ARHGAP10: variants seen among roughly 807,000 people sequenced by gnomAD.
ARHGAP10 encodes the protein rho GTPase-activating protein 10.
In ARHGAP10, 87 loss-of-function variants were observed where a neutral mutation model predicts 108.6. The ratio of observed to expected loss-of-function variants is 0.80; its 90% CI spans 0.67 to 0.96. The LOEUF is 0.96. Among genes scored for constraint, ARHGAP10 ranks in the 40% least tolerant of loss-of-function variants. ARHGAP10 has a pLI of 0.00. For missense variants in ARHGAP10, 939 were observed against 954.5 expected, an observed-to-expected ratio of 0.98 and a Z score of 0.21; for synonymous variants, 347 against 341.1, an observed-to-expected ratio of 1.02 and a Z score of -0.19.
At chr4:147,788,431 A>G (rs1730982525) in intron 1 of ARHGAP10, among the ~76,000 whole-genome samples, 1 of 152,060 alleles carries the variant, frequency 6.6e-6, no homozygotes, top group Non-Finnish European at 1.5e-5. Context: ...TGGGTGACAG[A>G]GCAAGACTCC....
intron 19 of ARHGAP10, among the ~76,000 whole-genome samples, chr4:148,032,661 A>G (rs534007697): frequency 6.6e-6 from 1 of 152,294 alleles, no homozygotes; most frequent in South Asian, 2.1e-4. Context: ...ATTGACTCAC[A>G]TGATCACAAG....
intron 1 of ARHGAP10, 83 bp from the exon 2 acceptor site, chr4:147,822,644 T>TGG (rs1180640287): frequency 2.4e-5 from 34 of 1,391,626 alleles, no homozygotes; most frequent in Non-Finnish European, 3.4e-5. Context: ...CTCTACAGCT[T>TGG]TACCAATTTT....
At chr4:147,833,507 G>T (rs561543414) in intron 3 of ARHGAP10, among the ~76,000 whole-genome samples, 24 of 152,280 alleles carry the variant, frequency 1.6e-4, no homozygotes, top group African/African-American at 2.6e-4. Flanking sequence ...TAACTTCATA[G>T]CAGTGTGAAA....
chr4:148,011,296 G>A (rs1043647052), intron 18 of ARHGAP10, among the ~76,000 whole-genome samples: 5 of 152,200 alleles, frequency 3.3e-5, no homozygotes, highest in African/African-American at 1.2e-4. Context: ...AGGGCAGGGC[G>A]AGTTTAGCTT....
chr4:147,854,699 A>G, intron 4 of ARHGAP10: 1 of 984,014 alleles, frequency 1.0e-6, no homozygotes, highest in Non-Finnish European at 1.2e-6. Flanking sequence ...ATGAGCACAA[A>G]GAAACAATAA....
intron 1 of ARHGAP10, among the ~76,000 whole-genome samples, chr4:147,791,874 C>T (rs1278382774): frequency 4.6e-5 from 7 of 152,202 alleles, no homozygotes; most frequent in Non-Finnish European, 8.8e-5. Context: ...CATGAGCCAT[C>T]GTGCCCAGCC....
chr4:147,930,110 C>T (rs569744707), intron 13 of ARHGAP10, among the ~76,000 whole-genome samples: 2 of 152,314 alleles, frequency 1.3e-5, no homozygotes, highest in African/African-American at 4.8e-5. Flanking sequence ...ATTGATGAAG[C>T]ATCTCATTCC....
rs748106493 is a variant in ARHGAP10, at chr4:147,955,328, G to T, written c.1404G>T (p.Glu468Asp). The change falls in exon 16 of 23, where the codon GAG becomes GAT. Residue 468 changes from glutamate (E) to aspartate (D), a missense_variant. Transcript: ENST00000336498. ...ALKQYLRSLPEPLMTYELHGD... is the reference protein window; with the variant it reads ...ALKQYLRSLPDPLMTYELHGD... ...TCTTTTCACACAGGAGTCTTCCAGAGCCTCTCATGACCTATGAGTTACATG... is the reference window on the plus strand; with the variant it reads ...TCTTTTCACACAGGAGTCTTCCAGATCCTCTCATGACCTATGAGTTACATG... 6.2e-7 allele frequency: 1 copy of T among 1,611,566 alleles called. No homozygotes were observed. Among genetic ancestry groups the T allele is most frequent in the East Asian group, 2.2e-5 (1 of 44,812 alleles).
intron 1 of ARHGAP10, among the ~76,000 whole-genome samples, chr4:147,767,143 G>T (rs927446916): frequency 3.9e-5 from 6 of 151,936 alleles, no homozygotes; most frequent in Non-Finnish European, 5.9e-5. Context: ...GAGCCACCGC[G>T]CCCAGTCTAC....
At chr4:147,957,088 T>G (rs1358492976) in intron 16 of ARHGAP10, among the ~76,000 whole-genome samples, 1 of 152,192 alleles carries the variant, frequency 6.6e-6, no homozygotes, top group African/African-American at 2.4e-5. Context: ...TTTTGCTTCC[T>G]GACTTTGTGG....
chr4:147,836,337 A>AT (rs1425427284), intron 3 of ARHGAP10, among the ~76,000 whole-genome samples: 3 of 152,198 alleles, frequency 2.0e-5, no homozygotes, highest in Non-Finnish European at 4.4e-5. Flanking sequence ...ATCCTCTTTA[A>AT]TAGGACTAGG....
intron 18 of ARHGAP10, among the ~76,000 whole-genome samples, chr4:148,005,467 A>G (rs116376857): frequency 0.015 from 2,237 of 152,292 alleles, 31 homozygotes; most frequent in South Asian, 0.019. Flanking sequence ...GAATTTTACA[A>G]TATTCTGTAT....
chr4:148,024,120 T>A (rs1741677990), intron 19 of ARHGAP10, among the ~76,000 whole-genome samples: 1 of 152,218 alleles, frequency 6.6e-6, no homozygotes, highest in African/African-American at 2.4e-5. Flanking sequence ...TGCACACGCC[T>A]CCCATTGCTA....
intron 18 of ARHGAP10, among the ~76,000 whole-genome samples, chr4:148,006,688 T>A (rs964681572): frequency 1.3e-5 from 2 of 152,242 alleles, no homozygotes; most frequent in East Asian, 1.9e-4. Context: ...GGGAACATTT[T>A]AAAAAGATTA....
intron 1 of ARHGAP10, among the ~76,000 whole-genome samples, chr4:147,744,673 G>A (rs1728833707): frequency 6.6e-6 from 1 of 152,098 alleles, no homozygotes; most frequent in African/African-American, 2.4e-5. Context: ...CTCAGGTTCT[G>A]GTGTGGGCTG....
Position 148,046,876 on chromosome 4 carries a change from C to T in ARHGAP10, c.1868-16C>T, listed in dbSNP as rs748948651. ...CCAGGTATTTGTTTGATATTCAATGCTTTTTTTCCTCCTAGGTGACAATCC... is the reference window on the plus strand; with the variant it reads ...CCAGGTATTTGTTTGATATTCAATGTTTTTTTTCCTCCTAGGTGACAATCC... On this transcript the variant is annotated splice_polypyrimidine_tract_variant and intron_variant, in intron 19 of 22. Transcript: ENST00000336498. The T allele has an allele frequency of 4.4e-6, 7 of 1,604,272 alleles. No homozygotes were observed. In the East Asian group the frequency reaches 1.1e-4, roughly 26 times the overall value.
chr4:148,015,058 C>T (rs1741297996), intron 18 of ARHGAP10, among the ~76,000 whole-genome samples: 1 of 152,144 alleles, frequency 6.6e-6, no homozygotes, highest in Non-Finnish European at 1.5e-5. Context: ...CCTCTCTTTT[C>T]TCCTGGCTGC....
intron 13 of ARHGAP10, among the ~76,000 whole-genome samples, chr4:147,918,387 G>A (rs1025953922): frequency 1.8e-4 from 27 of 151,978 alleles, no homozygotes; most frequent in Admixed American, 1.0e-3. Flanking sequence ...CACCTGCCTC[G>A]GCCTCCCAAA....
chr4:147,841,994 G>A (rs1224758760), intron 3 of ARHGAP10, among the ~76,000 whole-genome samples: 1 of 152,124 alleles, frequency 6.6e-6, no homozygotes, highest in Non-Finnish European at 1.5e-5. Context: ...GTGCAGTGGT[G>A]CAATCTTGGC....
Sources: allele counts gnomAD v4.1 joint callset (sites outside exome capture counted in the v4.1 genomes callset), GRCh38; gene constraint gnomAD v4.1.1; transcripts MANE v1.5; gene names NCBI Gene and HGNC (gene_info 2026-07-23, HGNC 2026-07-21).